The following CNBD1 variants were observed in gnomAD, a reference collection of about 807,000 sequenced individuals.
The protein encoded by CNBD1 is cyclic nucleotide-binding domain-containing protein 1.
Under a neutral mutation model 54.4 loss-of-function variants are expected in CNBD1, and 71 were observed. The ratio of observed to expected loss-of-function variants is 1.30; its 90% CI spans 1.08 to 1.59. The LOEUF (loss-of-function observed/expected upper bound fraction) is 1.59, where lower values mean the gene tolerates loss of function less well. Ranked by LOEUF, CNBD1 falls within the 40% of genes most tolerant of loss-of-function variation. The probability of loss-of-function intolerance (pLI) is 0.00; values close to 1 mark genes in which losing one functional copy is unlikely to be tolerated. For missense variants in CNBD1, 659 were observed against 518.0 expected (o/e 1.27, Z -2.64); for synonymous variants, 182 against 170.7 (o/e 1.07, Z -0.51).
chr8:86,871,252 C>T (rs1211725679), intron 1 of CNBD1, among the ~76,000 whole-genome samples: 2 of 152,150 alleles, frequency 1.3e-5, no homozygotes, highest in African/African-American at 4.8e-5. Context: ...GGCTAGGTCT[C>T]CTCTGAGTCT....
intron 2 of CNBD1, among the ~76,000 whole-genome samples, chr8:87,404,833 G>A (rs895539369): frequency 6.7e-4 from 22 of 32,910 alleles, no homozygotes; most frequent in African/African-American, 2.7e-3. Context: ...TTTTCTGCAG[G>A]CAACAATGTT....
chr8:87,193,046 T>C (rs2130787311), intron 4 of CNBD1, among the ~76,000 whole-genome samples: 1 of 152,242 alleles, frequency 6.6e-6, no homozygotes, highest in Admixed American at 6.5e-5. Context: ...ATGTTTTTAT[T>C]TAAAATAAAA....
At chr8:87,097,069 T>C (rs1220423955) in intron 4 of CNBD1, among the ~76,000 whole-genome samples, 2 of 152,230 alleles carry the variant, frequency 1.3e-5, no homozygotes, top group African/African-American at 4.8e-5. Context: ...AAAAGCTTGC[T>C]TTTTAGTGAG....
chr8:87,291,465 T>A (rs1159414713), intron 8 of CNBD1, among the ~76,000 whole-genome samples: 1 of 152,188 alleles, frequency 6.6e-6, no homozygotes. Flanking sequence ...AAATATTAGC[T>A]TTGTAGGTCA....
intron 4 of CNBD1, among the ~76,000 whole-genome samples, chr8:87,065,694 T>G (rs1810634018): frequency 6.6e-6 from 1 of 151,984 alleles, no homozygotes; most frequent in Non-Finnish European, 1.5e-5. Context: ...TTACTTTTCT[T>G]CATGGCATTA....
intron 8 of CNBD1, among the ~76,000 whole-genome samples, chr8:87,336,799 T>G (rs1809952660): frequency 6.6e-6 from 1 of 152,172 alleles, no homozygotes; most frequent in African/African-American, 2.4e-5. Flanking sequence ...TTTTCAGTGT[T>G]TTTTCATTGA....
intron 5 of CNBD1, among the ~76,000 whole-genome samples, chr8:87,218,671 TA>T (rs886159432): frequency 2.6e-5 from 4 of 152,028 alleles, no homozygotes; most frequent in Non-Finnish European, 4.4e-5. Context: ...TGTTGGCTAT[TA>T]GAAAGCCTTT....
intron 4 of CNBD1, among the ~76,000 whole-genome samples, chr8:87,150,149 C>T (rs1405327925): frequency 6.6e-6 from 1 of 151,914 alleles, no homozygotes; most frequent in African/African-American, 2.4e-5. Context: ...TGCACGCCAG[C>T]CTGGGTGACA....
chr8:87,425,766 CT>C (rs1808035206), intron 2 of CNBD1, among the ~76,000 whole-genome samples: 1 of 152,048 alleles, frequency 6.6e-6, no homozygotes, highest in Admixed American at 6.6e-5. Context: ...TTACTGCTGT[CT>C]TTTTGTTTGT....
chr8:86,954,654 G>A (rs1445399528), intron 4 of CNBD1, among the ~76,000 whole-genome samples: 1 of 152,038 alleles, frequency 6.6e-6, no homozygotes, highest in Non-Finnish European at 1.5e-5. Flanking sequence ...ATTTTCAGTA[G>A]ACTCCACTAC....
chr8:87,039,644 G>A (rs1261827176), intron 4 of CNBD1, among the ~76,000 whole-genome samples: 2 of 152,218 alleles, frequency 1.3e-5, no homozygotes, highest in Non-Finnish European at 2.9e-5. Context: ...AATTGCAATA[G>A]AGAATGAGTT....
chr8:86,877,195 G>A (rs145593168), intron 1 of CNBD1, among the ~76,000 whole-genome samples: 5 of 151,656 alleles, frequency 3.3e-5, no homozygotes, highest in African/African-American at 1.2e-4. Context: ...CTTTGTAAGG[G>A]AATATGTACA....
At chr8:87,296,244 G>T (rs1808873464) in intron 8 of CNBD1, among the ~76,000 whole-genome samples, 2 of 152,214 alleles carry the variant, frequency 1.3e-5, no homozygotes, top group African/African-American at 4.8e-5. Flanking sequence ...ATAAGTCCTT[G>T]CCATCTTAGA....
intron 4 of CNBD1, among the ~76,000 whole-genome samples, chr8:86,975,317 A>G (rs1808316294): frequency 6.6e-6 from 1 of 152,024 alleles, no homozygotes; most frequent in African/African-American, 2.4e-5. Context: ...GCAATAGACA[A>G]CCAGAACCTT....
chr8:87,243,814 AC>A (rs1321354232), intron 6 of CNBD1, among the ~76,000 whole-genome samples: 3 of 152,232 alleles, frequency 2.0e-5, no homozygotes, highest in African/African-American at 7.2e-5. Context: ...ACATATCAAA[AC>A]AAAAATACCA....
At chr8:87,412,479 T>A (rs1474635087) in intron 2 of CNBD1, among the ~76,000 whole-genome samples, 1 of 152,136 alleles carries the variant, frequency 6.6e-6, no homozygotes, top group African/African-American at 2.4e-5. Context: ...TATGTGTTCA[T>A]GCTTTTGAAA....
intron 3 of CNBD1, among the ~76,000 whole-genome samples, chr8:86,930,222 A>T (rs372777013): frequency 6.6e-6 from 1 of 152,180 alleles, no homozygotes; most frequent in Non-Finnish European, 1.5e-5. Context: ...TATAGGCTGT[A>T]TTTGTTCTTT....
chr8:87,197,139 C>T (rs1452130800), intron 4 of CNBD1, among the ~76,000 whole-genome samples: 2 of 152,268 alleles, frequency 1.3e-5, no homozygotes, highest in South Asian at 4.1e-4. Flanking sequence ...GTTAGTAATA[C>T]CTTGGGGACT....
chr8:86,983,403 G>A (rs1459118746), intron 4 of CNBD1, among the ~76,000 whole-genome samples: 1 of 152,180 alleles, frequency 6.6e-6, no homozygotes, highest in East Asian at 1.9e-4. Flanking sequence ...GGTACCAGTA[G>A]AGTGGGGCAC....
Sources: gnomAD v4.1 joint callset for allele counts (sites outside exome capture counted in the v4.1 genomes callset) on GRCh38, gnomAD v4.1.1 for gene constraint, MANE v1.5 for transcripts, NCBI Gene and HGNC (gene_info 2026-07-23, HGNC 2026-07-21) for gene names.